Variants in DCAF1 observed in about 807,000 individuals in gnomAD.
The protein encoded by DCAF1 is DDB1 and CUL4 associated factor 1.
DCAF1 carries 15 observed loss-of-function variants against 128.0 expected under a neutral mutation model. The observed-to-expected ratio is 0.12, with a 90% CI of 0.08 to 0.18. The LOEUF is 0.18. Among genes scored for constraint, DCAF1 ranks in the 10% least tolerant of loss-of-function variants. The pLI, the probability that DCAF1 is intolerant of heterozygous loss-of-function variation, is 1.00. For synonymous variants in DCAF1, 610 were observed against 603.0 expected, an observed-to-expected ratio of 1.01 and a Z score of -0.17; for missense variants, 988 against 1,649.5, an observed-to-expected ratio of 0.60 and a Z score of 6.95.
chr3:51,429,121 A>G (rs1203216027), intron 12 of DCAF1, 140 bp downstream of exon 12: 3 of 593,980 alleles, frequency 5.1e-6, no homozygotes, highest in Non-Finnish European at 9.3e-6. Context: ...CCATTTTTCA[A>G]TTGTTCTGCC....
In DCAF1 at chr3:51,426,883, T is replaced by C. The variant is rs368554819; in HGVS notation, c.1847+489A>G. ...AAATAGAACCTACCCAGTTTCCTGA[T>C]TACATCAGCCACCCTTTTCTGGGCC... On this transcript the variant is annotated intron_variant, in intron 13 of 24. Coordinates refer to ENST00000684031, the MANE Select transcript of DCAF1 (RefSeq NM_001387579.1). Among the ~76,000 whole-genome samples the C allele has an allele frequency of 1.2e-4, 19 of 152,352 alleles. No homozygotes were observed. The East Asian group carries it at 3.7e-3, about 29-fold the overall frequency.
chr3:51,402,594 G>GTTTT (rs2089798333), intron 24 of DCAF1, among the ~76,000 whole-genome samples: 1 of 4,890 alleles, frequency 2.0e-4, no homozygotes, highest in African/African-American at 4.0e-4. Context: ...TTTTTTTTGA[G>GTTTT]ATGGAGTCTC....
At chr3:51,418,531 T>TCTGAAATATGAATTAAC in intron 16 of DCAF1, 147 bp downstream of exon 16, 1 of 1,368,670 alleles carries the variant, frequency 7.3e-7, no homozygotes, top group African/African-American at 1.5e-5. Flanking sequence ...TCAGTCTCCA[T>TCTGAAATATGAATTAAC]CTGAAATATG....
chr3:51,470,507 A>G (rs1159909323), intron 4 of DCAF1, among the ~76,000 whole-genome samples: 1 of 152,180 alleles, frequency 6.6e-6, no homozygotes, highest in African/African-American at 2.4e-5. Flanking sequence ...TCCAGGCTGC[A>G]GTGAGCTATG....
In DCAF1 at chr3:51,398,699, G is replaced by A. The variant is rs782607361; in HGVS notation, c.*70C>T. The stretch of plus-strand genomic sequence containing the variant: ...AGACAGCCCTGGGAGAAAGAGAAGG[G>A]AATATGTTCTGAATTCATTTGACTC... On this transcript the variant is annotated 3_prime_UTR_variant, in exon 25 of 25. Coordinates refer to ENST00000684031, the MANE Select transcript of DCAF1 (RefSeq NM_001387579.1). 2.7e-5 allele frequency: 42 copies of A among 1,537,410 alleles called. No individual in the cohort carries two copies. Among genetic ancestry groups the A allele is most frequent in the Non-Finnish European group, 3.0e-5 (34 of 1,139,278 alleles).
Position 51,413,322 on chromosome 3 carries a change from T to C in DCAF1, c.3996A>G (p.Ser1332=). 2 of 1,613,730 alleles carry C rather than the reference T, an allele frequency of 1.2e-6. No homozygotes were observed. Among genetic ancestry groups the C allele is most frequent in the African/African-American group, 2.7e-5 (2 of 75,050 alleles). ...CAGTTGCATTAAATGTTCGGAAGGA[T>C]GACCCAAAGGGGCTTTTCATCCTCT... ...MEERMKSPFG[S]SFRTFNATDY... Residue 1332 remains serine, a synonymous_variant, in exon 21 of 25, where the codon TCA becomes TCG. Coordinates refer to ENST00000684031, the MANE Select transcript of DCAF1 (RefSeq NM_001387579.1).
intron 17 of DCAF1, among the ~76,000 whole-genome samples, chr3:51,417,850 G>A (rs1348903108): frequency 6.6e-6 from 1 of 152,000 alleles, no homozygotes; most frequent in Non-Finnish European, 1.5e-5. Context: ...AGCAAAGACT[G>A]CAATGTCCTA....
intron 6 of DCAF1, among the ~76,000 whole-genome samples, chr3:51,453,430 C>T (rs1276235837): frequency 6.6e-6 from 1 of 151,578 alleles, no homozygotes; most frequent in African/African-American, 2.4e-5. Context: ...GAGTGTGAGA[C>T]CAGCCTGGGC....
At chr3:51,501,472 G>A (rs547632681), upstream of DCAF1, among the ~76,000 whole-genome samples, 2 of 152,160 alleles carry the variant, frequency 1.3e-5, no homozygotes, top group Admixed American at 6.6e-5. Flanking sequence ...TTATCTCTCC[G>A]GGAATGCTGA....
chr3:51,410,482 C>G (rs564469295), intron 23 of DCAF1, among the ~76,000 whole-genome samples: 2 of 114,096 alleles, frequency 1.8e-5, no homozygotes, highest in South Asian at 6.0e-4. Context: ...ATGCTCATAT[C>G]CTGTAATGGC....
intron 17 of DCAF1, among the ~76,000 whole-genome samples, chr3:51,417,695 G>A (rs1243303628): frequency 6.6e-6 from 1 of 151,386 alleles, no homozygotes; most frequent in Admixed American, 6.6e-5. Flanking sequence ...ACTCCAGCCT[G>A]GGCGACAGAA....
At chr3:51,439,741 C>T (rs1426153087) in intron 9 of DCAF1, among the ~76,000 whole-genome samples, 1 of 152,070 alleles carries the variant, frequency 6.6e-6, no homozygotes, top group African/African-American at 2.4e-5. Context: ...CCTGTAATCC[C>T]TACATTCTGG....
Position 51,453,366 on chromosome 3 carries a change from T to G in DCAF1, c.376-9463A>C, listed in dbSNP as rs564210839. On this transcript the variant is annotated intron_variant, in intron 6 of 24. Transcript: ENST00000684031. Reference sequence around the variant, plus strand: ...TTCCAGGCTGGGTGCAGTAGCTCATTCCTATAATCCCAGCACTTTGGGAGG... The same window carrying G: ...TTCCAGGCTGGGTGCAGTAGCTCATGCCTATAATCCCAGCACTTTGGGAGG... Among the ~76,000 whole-genome samples the G allele has an allele frequency of 2.0e-5, 3 of 151,902 alleles. No homozygotes were observed. In the South Asian group the frequency reaches 6.2e-4, roughly 32 times the overall value.
chr3:51,470,975 T>C lies in DCAF1; in HGVS notation c.141A>G (p.Glu47=), dbSNP rs369776256. Residue 47 remains glutamate (E), a synonymous_variant, in exon 4 of 25, where the codon GAA becomes GAG. Coordinates refer to ENST00000684031, the MANE Select transcript of DCAF1 (RefSeq NM_001387579.1). Reference sequence around the variant, plus strand: ...GGTCTGGATCCCCTTTACGATACTCTTCAGTTTCTTTTTCAATCAATTGAG... The same window carrying C: ...GGTCTGGATCCCCTTTACGATACTCCTCAGTTTCTTTTTCAATCAATTGAG... The part of the protein sequence containing the change: ...RMSQLIEKET[E]EYRKGDPDPF... 1.4e-5 allele frequency: 22 copies of C among 1,606,986 alleles called. No individual in the cohort carries two copies. In the African/African-American group the frequency reaches 2.4e-4, roughly 18 times the overall value.
chr3:51,397,119 TTCTC>T (rs1165625349), downstream of DCAF1: 1 of 167,140 alleles, frequency 6.0e-6, no homozygotes, highest in Non-Finnish European at 1.5e-5. Context: ...TTGTCCCCTC[TTCTC>T]TCTGTTAAGG....
chr3:51,473,960 C>A (rs1011120154), intron 3 of DCAF1, among the ~76,000 whole-genome samples: 1 of 151,600 alleles, frequency 6.6e-6, no homozygotes, highest in African/African-American at 2.4e-5. Context: ...TGTGCCACCA[C>A]GCCCAGCTCA....
At chr3:51,475,522 G>A (rs782586193) in intron 3 of DCAF1, among the ~76,000 whole-genome samples, 1 of 152,060 alleles carries the variant, frequency 6.6e-6, no homozygotes, top group African/African-American at 2.4e-5. Context: ...ACTGGAAGAC[G>A]GCTTGAGCCC....
intron 5 of DCAF1, among the ~76,000 whole-genome samples, chr3:51,465,321 T>C (rs1361718249): frequency 2.6e-5 from 4 of 152,078 alleles, no homozygotes; most frequent in Non-Finnish European, 5.9e-5. Flanking sequence ...GAGCAAATGG[T>C]CAGACACGTA....
chr3:51,439,989 C>A (rs1437031201), intron 9 of DCAF1, among the ~76,000 whole-genome samples: 2 of 151,490 alleles, frequency 1.3e-5, no homozygotes, highest in African/African-American at 4.9e-5. Context: ...GAGACTCCAT[C>A]TCAAAAAAGA....
Sources: allele counts gnomAD v4.1 joint callset (sites outside exome capture counted in the v4.1 genomes callset), GRCh38; gene constraint gnomAD v4.1.1; transcripts MANE v1.5; gene names NCBI Gene and HGNC (gene_info 2026-07-23, HGNC 2026-07-21).